Variants in MYBL1 observed in about 807,000 individuals in gnomAD.
The protein encoded by MYBL1 is MYB proto-oncogene like 1, also known as myb-related protein A.
In MYBL1, 17 loss-of-function variants were observed where a neutral mutation model predicts 96.3. The ratio of observed to expected loss-of-function variants is 0.18; its 90% CI spans 0.12 to 0.26. The LOEUF is 0.26. Among genes scored for constraint, MYBL1 ranks in the 10% least tolerant of loss-of-function variants. The pLI is 1.00. For synonymous variants in MYBL1, 282 were observed against 292.7 expected, an observed-to-expected ratio of 0.96 and a Z score of 0.37; for missense variants, 701 against 882.9, an observed-to-expected ratio of 0.79 and a Z score of 2.61.
intron 8 of MYBL1, among the ~76,000 whole-genome samples, chr8:66,591,367 T>C (rs1022792667): frequency 6.6e-6 from 1 of 152,100 alleles, no homozygotes; most frequent in Non-Finnish European, 1.5e-5. Context: ...AAATTTTTTT[T>C]TAATTTAAAA....
At chr8:66,574,947 G>A (rs998697222) in intron 10 of MYBL1, among the ~76,000 whole-genome samples, 1 of 152,180 alleles carries the variant, frequency 6.6e-6, no homozygotes, top group Non-Finnish European at 1.5e-5. Context: ...CCAGCTACTC[G>A]GGAGGCTGAG....
chr8:66,576,141 T>C lies in MYBL1; in HGVS notation c.1336A>G (p.Ile446Val), dbSNP rs1808932769. 6.2e-7 allele frequency: 1 copy of C among 1,613,894 alleles called. No individual in the cohort carries two copies. Among genetic ancestry groups the C allele is most frequent in the African/African-American group, 1.3e-5 (1 of 74,922 alleles). ...CGCATTTTTCTCTTCTTTCTGAGGA[T>C]GGCTGGTGGAGTGCTAAACTTGGCT... is the stretch of plus-strand genomic sequence containing the variant. ...NIAKFSTPPA[I>V]LRKKRKMRVG... The change falls in exon 10 of 16, where the codon ATC (isoleucine) becomes GTC (valine). Residue 446 changes from isoleucine (I) to valine (V), a missense_variant. This residue lies in a region of MYBL1 where 396 missense variants were observed against 407.4 expected (regional missense o/e 0.97). Transcript: ENST00000522677.
intron 12 of MYBL1, among the ~76,000 whole-genome samples, chr8:66,570,641 T>C (rs1808692555): frequency 2.0e-5 from 3 of 152,168 alleles, no homozygotes; most frequent in African/African-American, 7.2e-5. Flanking sequence ...CCTAGTACAG[T>C]GCCTGGAACC....
rs1409129120 is a variant in MYBL1 at position 66,586,838 on chromosome 8, C to A, written c.867+5602G>T. ...ACACACACATACATAGACACATAAC[C>A]ACATAATACTATTTAGCCATAAAAA... On this transcript the variant is annotated intron_variant, in intron 8 of 15. Coordinates refer to ENST00000522677, the MANE Select transcript of MYBL1 (RefSeq NM_001080416.4). Among the ~76,000 whole-genome samples, 3 of 152,032 alleles carry A rather than the reference C, an allele frequency of 2.0e-5. No homozygotes were observed. The East Asian group carries it at 5.8e-4, about 29-fold the overall frequency.
chr8:66,599,668 T>C (rs780214351), intron 3 of MYBL1, among the ~76,000 whole-genome samples: 3 of 151,960 alleles, frequency 2.0e-5, no homozygotes, highest in Non-Finnish European at 4.4e-5. Flanking sequence ...GATGTGGTGG[T>C]GCATGCCTGT....
rs1808496702 is a variant in MYBL1 at position 66,566,202 on chromosome 8, T to C, written c.1992A>G (p.Leu664=). The change falls in exon 15 of 16, where the codon TTA becomes TTG. Residue 664 remains leucine (L), a synonymous_variant. Coordinates refer to ENST00000522677, the MANE Select transcript of MYBL1 (RefSeq NM_001080416.4). ...TGCACCTATTGTCATGTATTTCCAA[T>C]AATGGTATCATTAATAAGGATGTAG... ...RFTTSLLMIP[L]LEIHDNRCNL... 3 of 1,512,858 alleles carry C rather than the reference T, an allele frequency of 2.0e-6. No homozygotes were observed. Among genetic ancestry groups the C allele is most frequent in the Non-Finnish European group, 2.7e-6 (3 of 1,112,898 alleles). The allele number at this position is 1,512,858 out of a possible 1,614,324, so 93.7% of individuals were successfully genotyped here. A position where few individuals can be genotyped will look rare whatever the true frequency, so the allele number is the denominator to read the frequency against.
intron 1 of MYBL1, among the ~76,000 whole-genome samples, chr8:66,610,683 CTT>C (rs1250763555): frequency 1.3e-5 from 2 of 152,120 alleles, no homozygotes; most frequent in African/African-American, 2.4e-5. Flanking sequence ...ACTCTATCCT[CTT>C]TTGTTTTTTG....
At chr8:66,592,331 C>G in intron 8 of MYBL1, 109 bp downstream of exon 8, 1 of 707,776 alleles carries the variant, frequency 1.4e-6, no homozygotes, top group Non-Finnish European at 2.3e-6. Context: ...ACTATTTTTA[C>G]TCCATATTAA....
At chr8:66,593,858 G>A (rs7830436) in intron 6 of MYBL1, among the ~76,000 whole-genome samples, 15,906 of 152,082 alleles carry the variant, frequency 0.1, 1,865 homozygotes, top group African/African-American at 0.28. Flanking sequence ...AATCGGGGCC[G>A]GGTACAGTGG....
chr8:66,581,665 G>A (rs575355798), intron 8 of MYBL1, among the ~76,000 whole-genome samples: 8 of 152,120 alleles, frequency 5.3e-5, no homozygotes, highest in Non-Finnish European at 1.2e-4. Flanking sequence ...GACAGAGTGA[G>A]ACCCTTATCA....
intron 1 of MYBL1, among the ~76,000 whole-genome samples, chr8:66,605,200 G>A (rs966839588): frequency 6.6e-6 from 1 of 151,994 alleles, no homozygotes; most frequent in Non-Finnish European, 1.5e-5. Flanking sequence ...TCAAAATCTG[G>A]TGTGTGTTTT....
intron 3 of MYBL1, among the ~76,000 whole-genome samples, chr8:66,600,605 T>C (rs796716272): frequency 1.8e-4 from 28 of 152,328 alleles, no homozygotes; most frequent in African/African-American, 6.7e-4. Context: ...AGTATGATTA[T>C]CTAGACATTA....
chr8:66,597,213 A>G (rs1333602647), intron 5 of MYBL1, 117 bp downstream of exon 5: 4 of 726,842 alleles, frequency 5.5e-6, no homozygotes, highest in African/African-American at 1.8e-5. Context: ...TATATAGTCT[A>G]CATTTTAATT....
At position 66,610,595 on chromosome 8, in the gene MYBL1, C is replaced by T. The variant is rs114114093; in HGVS notation, c.20+2224G>A. Among the ~76,000 whole-genome samples the T allele has an allele frequency of 4.9e-3, 738 of 152,082 alleles. 6 individuals carry two copies. Among genetic ancestry groups the T allele is most frequent in the African/African-American group, 0.016 (674 of 41,522 alleles). On this transcript the variant is annotated intron_variant, in intron 1 of 15. Coordinates refer to ENST00000522677, the MANE Select transcript of MYBL1 (RefSeq NM_001080416.4). ...TTCCCTTTCAACTATAAATTGAGTT[C>T]AAATATATTAAGATACTTAGGTAAA...
intron 11 of MYBL1, 41 bp from the exon 12 acceptor site, chr8:66,572,637 G>T: frequency 2.0e-6 from 2 of 993,220 alleles, no homozygotes; most frequent in South Asian, 2.0e-5. Flanking sequence ...GTCACGATCT[G>T]ATTTCATACA....
At chr8:66,576,419 G>A (rs1808951243) in intron 9 of MYBL1, 44 bp from the exon 10 acceptor site, 1 of 1,536,456 alleles carries the variant, frequency 6.5e-7, no homozygotes, top group Non-Finnish European at 8.7e-7. Flanking sequence ...CTGTAACCTA[G>A]TTAAATCTGC....
chr8:66,612,870 G>A lies in MYBL1; in HGVS notation c.-32C>T. ...AGTACCGCATAGGAGCAGGCTGGGC[G>A]GGGACGCGGGTCAGCCTCCTCCAGC... On this transcript the variant is annotated 5_prime_UTR_variant, in exon 1 of 16. Transcript: ENST00000522677. 1.5e-6 allele frequency: 2 copies of A among 1,345,566 alleles called. No individual in the cohort carries two copies. Among genetic ancestry groups the A allele is most frequent in the Non-Finnish European group, 1.9e-6 (2 of 1,038,432 alleles). 83.4% of individuals were successfully genotyped at this position (1,345,566 alleles called of 1,614,324 possible). A position where few individuals can be genotyped will look rare whatever the true frequency, so the allele number is the denominator to read the frequency against.
rs907675910 is a variant in MYBL1, at chr8:66,594,140, G to GA, written c.688-947dup. Reference sequence around the variant, plus strand: ...ACAGAAAGAGATTCTGTCTCAAAAAGAAAAAAAAAAAGCCTTAAAATCAAA... The same window carrying GA: ...ACAGAAAGAGATTCTGTCTCAAAAAGAAAAAAAAAAAAGCCTTAAAATCAAA... On this transcript the variant is annotated intron_variant, in intron 6 of 15. Coordinates refer to ENST00000522677, the MANE Select transcript of MYBL1 (RefSeq NM_001080416.4). Among the ~76,000 whole-genome samples the GA allele has an allele frequency of 5.0e-4, 66 of 132,422 alleles. 1 individual carries two copies. The highest frequency in any genetic ancestry group is 6.4e-4 in the East Asian group (3 of 4,682). 86.9% of individuals were successfully genotyped at this position (132,422 alleles called of 152,430 possible).
At chr8:66,576,461 T>C in intron 9 of MYBL1, 86 bp from the exon 10 acceptor site, 1 of 1,414,166 alleles carries the variant, frequency 7.1e-7, no homozygotes, top group East Asian at 2.3e-5. Context: ...TTCCACAGAG[T>C]TAATTAACAA....
Sources: gnomAD v4.1 joint callset for allele counts (sites outside exome capture counted in the v4.1 genomes callset) on GRCh38, gnomAD v4.1.1 for gene constraint, gnomAD v4.1.1 regional missense constraint, MANE v1.5 for transcripts, NCBI Gene and HGNC (gene_info 2026-07-23, HGNC 2026-07-21) for gene names.